The following MMP26 variants were observed in gnomAD, a reference collection of about 807,000 sequenced individuals.
MMP26 encodes the protein matrix metalloproteinase-26.
Under a neutral mutation model 31.0 loss-of-function variants are expected in MMP26, and 33 were observed. The ratio of observed to expected loss-of-function variants is 1.06; its 90% CI spans 0.81 to 1.42. The LOEUF is 1.42. MMP26 is among the 40% of genes most tolerant of loss of function. MMP26 has a pLI of 0.00. For synonymous variants in MMP26, 122 were observed against 114.9 expected, an observed-to-expected ratio of 1.06 and a Z score of -0.40; for missense variants, 347 against 316.1, an observed-to-expected ratio of 1.10 and a Z score of -0.74.
At chr11:4,965,473 G>A (rs1347491441) in intron 2 of MMP26, among the ~76,000 whole-genome samples, 1 of 152,140 alleles carries the variant, frequency 6.6e-6, no homozygotes, top group Non-Finnish European at 1.5e-5. Flanking sequence ...AGGTTAAGGA[G>A]GCTTAGATGA....
intron 1 of MMP26, among the ~76,000 whole-genome samples, chr11:4,742,275 C>A (rs11033659): frequency 0.061 from 9,210 of 152,098 alleles, 638 homozygotes; most frequent in African/African-American, 0.17. Flanking sequence ...AGGACAAAGA[C>A]AAGTATAGTG....
chr11:4,884,330 T>A (rs1484529285), intron 2 of MMP26, among the ~76,000 whole-genome samples: 1 of 152,174 alleles, frequency 6.6e-6, no homozygotes, highest in Non-Finnish European at 1.5e-5. Flanking sequence ...CTTTGCCTTG[T>A]GCACTCAGCG....
intron 2 of MMP26, among the ~76,000 whole-genome samples, chr11:4,804,967 CAA>C (rs372949891): frequency 2.7e-4 from 30 of 111,766 alleles, no homozygotes; most frequent in African/African-American, 3.3e-4. Flanking sequence ...GAAACCGCCT[CAA>C]AAAAAAAAAA....
At chr11:4,845,659 C>T (rs1314037362) in intron 2 of MMP26, among the ~76,000 whole-genome samples, 2 of 152,092 alleles carry the variant, frequency 1.3e-5, no homozygotes, top group Non-Finnish European at 2.9e-5. Context: ...GAAGAGACAA[C>T]CCACAGAATG....
chr11:4,736,557 T>C (rs1044688438), intron 1 of MMP26: 2 of 152,132 alleles, frequency 1.3e-5, no homozygotes, highest in Non-Finnish European at 2.9e-5. Context: ...GATATCAGGA[T>C]GGAAACAGTA....
At chr11:4,835,203 G>GACACACACAC (rs3064937) in intron 2 of MMP26, among the ~76,000 whole-genome samples, 5,005 of 143,180 alleles carry the variant, frequency 0.035, 128 homozygotes, top group African/African-American at 0.064. Flanking sequence ...CTCTCTTTCT[G>GACACACACAC]ACACACACAC....
chr11:4,971,709 G>T lies in MMP26; in HGVS notation c.-144-16359G>T, dbSNP rs147057331. On this transcript the variant is annotated intron_variant, in intron 2 of 7. Coordinates refer to ENST00000380390, the MANE Select transcript of MMP26 (RefSeq NM_021801.5). ...GTCTAGGTACTTTATAGCAAAATGGGTTTATTTGGCTCACAGTTCTGCAGA... is the reference window on the plus strand; with the variant it reads ...GTCTAGGTACTTTATAGCAAAATGGTTTTATTTGGCTCACAGTTCTGCAGA... Among the ~76,000 whole-genome samples, 676 of 152,236 alleles carry T rather than the reference G, an allele frequency of 4.4e-3. 4 individuals carry two copies. Among genetic ancestry groups the T allele is most frequent in the African/African-American group, 0.015 (631 of 41,534 alleles).
intron 1 of MMP26, among the ~76,000 whole-genome samples, chr11:4,761,295 A>C (rs948763785): frequency 6.6e-6 from 1 of 152,240 alleles, no homozygotes; most frequent in African/African-American, 2.4e-5. Flanking sequence ...TTAAAGACAC[A>C]ATTAAGTCCT....
chr11:4,801,946 C>T (rs1381219919), intron 2 of MMP26, among the ~76,000 whole-genome samples: 2 of 152,134 alleles, frequency 1.3e-5, no homozygotes, highest in Non-Finnish European at 2.9e-5. Flanking sequence ...CCCCATGATC[C>T]AATCCCTCCC....
chr11:4,913,352 G>A (rs186178139), intron 2 of MMP26: 1 of 152,242 alleles, frequency 6.6e-6, no homozygotes, highest in East Asian at 1.9e-4. Flanking sequence ...ACACTTCATA[G>A]TAGAAGACAT....
intron 2 of MMP26, among the ~76,000 whole-genome samples, chr11:4,893,735 A>G (rs1405219720): frequency 6.6e-6 from 1 of 152,184 alleles, no homozygotes; most frequent in African/African-American, 2.4e-5. Flanking sequence ...ATGTATCTTA[A>G]GACAACATTA....
At chr11:4,882,313 C>CA in intron 2 of MMP26, 2 of 1,613,932 alleles carry the variant, frequency 1.2e-6, no homozygotes, top group Non-Finnish European at 1.7e-6. Flanking sequence ...CTACTATCCT[C>CA]ACAGACAGGA....
At chr11:4,868,817 A>G (rs1182503029) in intron 2 of MMP26, among the ~76,000 whole-genome samples, 3 of 152,218 alleles carry the variant, frequency 2.0e-5, no homozygotes, top group Non-Finnish European at 4.4e-5. Context: ...ACTTCAAACT[A>G]TATTAGAAGG....
intron 2 of MMP26, among the ~76,000 whole-genome samples, chr11:4,886,649 C>T (rs954975271): frequency 2.7e-5 from 4 of 147,820 alleles, no homozygotes; most frequent in Non-Finnish European, 4.6e-5. Flanking sequence ...ACAACTATTA[C>T]TCAAAAAGTG....
chr11:4,778,230 G>T (rs1251053298), intron 2 of MMP26, among the ~76,000 whole-genome samples: 1 of 152,100 alleles, frequency 6.6e-6, no homozygotes, highest in South Asian at 2.1e-4. Context: ...AACAACATTT[G>T]ATATATTTTG....
intron 2 of MMP26, among the ~76,000 whole-genome samples, chr11:4,895,689 C>A (rs1433909807): frequency 6.6e-6 from 1 of 152,112 alleles, no homozygotes; most frequent in East Asian, 1.9e-4. Context: ...TTTGGTAGCA[C>A]AAGGTGGGAG....
At chr11:4,806,430 G>A (rs1048734888) in intron 2 of MMP26, among the ~76,000 whole-genome samples, 4 of 152,060 alleles carry the variant, frequency 2.6e-5, no homozygotes, top group Admixed American at 6.5e-5. Context: ...TATATATTTA[G>A]GATAGTTAGC....
intron 2 of MMP26, among the ~76,000 whole-genome samples, chr11:4,924,632 A>AT (rs1851242903): frequency 1.3e-5 from 2 of 152,178 alleles, no homozygotes; most frequent in East Asian, 1.9e-4. Context: ...GAAAAGGGGA[A>AT]TTTGGGACTT....
At chr11:4,852,727 A>T (rs371058375) in intron 2 of MMP26, among the ~76,000 whole-genome samples, 6 of 152,142 alleles carry the variant, frequency 3.9e-5, no homozygotes, top group Non-Finnish European at 7.4e-5. Flanking sequence ...TATGTATTCA[A>T]TGGAAAGAAA....
Sources: gnomAD v4.1 joint callset for allele counts (sites outside exome capture counted in the v4.1 genomes callset) on GRCh38, gnomAD v4.1.1 for gene constraint, MANE v1.5 for transcripts, NCBI Gene and HGNC (gene_info 2026-07-23, HGNC 2026-07-21) for gene names.